Variants in DSCAML1 observed in about 807,000 individuals in gnomAD.
DSCAML1 encodes cell adhesion molecule DSCAML1.
In DSCAML1, 38 loss-of-function variants were observed where a neutral mutation model predicts 200.5. The ratio of observed to expected loss-of-function variants is 0.19; its 90% CI spans 0.15 to 0.25. The LOEUF (loss-of-function observed/expected upper bound fraction) is 0.25, where lower values mean the gene tolerates loss of function less well. Among genes scored for constraint, DSCAML1 ranks in the 10% least tolerant of loss-of-function variants. DSCAML1 has a pLI of 1.00. For synonymous variants in DSCAML1, 1,215 were observed against 1,165.0 expected (o/e 1.04, Z -0.87); for missense variants, 2,223 against 2,858.8 (o/e 0.78, Z 5.07).
chr11:117,480,835 T>G lies in DSCAML1; in HGVS notation c.2657-264A>C, dbSNP rs2048900232. Among the ~76,000 whole-genome samples the G allele has an allele frequency of 6.6e-6, 1 of 152,070 alleles. No homozygotes were observed. The highest frequency in any genetic ancestry group is 2.4e-5 in the African/African-American group (1 of 41,400). On this transcript the variant is annotated intron_variant, in intron 13 of 32. Coordinates refer to ENST00000651296, the MANE Select transcript of DSCAML1 (RefSeq NM_020693.4). This position sits in a 1 kb window ranked among gnomAD's most constrained non-coding sequence, Gnocchi z 4.1. ...AGGGATTCCTGTTAGCTGACGGCAT[T>G]TTTCCCCTTCCAACTTCCCCAGCTT...
chr11:117,495,275 A>T (rs747511642), intron 11 of DSCAML1, among the ~76,000 whole-genome samples: 1 of 152,178 alleles, frequency 6.6e-6, no homozygotes, highest in Non-Finnish European at 1.5e-5. Context: ...GACCAAGCCC[A>T]TCTTGCCCCT....
chr11:117,694,737 C>T (rs753667421), intron 3 of DSCAML1, among the ~76,000 whole-genome samples: 2 of 152,208 alleles, frequency 1.3e-5, no homozygotes, highest in African/African-American at 2.4e-5. Context: ...GGGGAAGGAG[C>T]CATCCTGGTT....
chr11:117,715,292 T>C (rs2053931429), intron 3 of DSCAML1, among the ~76,000 whole-genome samples: 2 of 152,048 alleles, frequency 1.3e-5, no homozygotes, highest in African/African-American at 4.8e-5. Flanking sequence ...CAGCCCAGGT[T>C]TCACCTCTCC....
At chr11:117,751,574 T>C (rs2054606071) in intron 3 of DSCAML1, among the ~76,000 whole-genome samples, 1 of 152,036 alleles carries the variant, frequency 6.6e-6, no homozygotes. Flanking sequence ...AGGCACCAGC[T>C]CTTTGGGAAG....
rs1444639593 is a variant in DSCAML1, at chr11:117,780,902, C to T, written c.47-92G>A. 1.9e-6 allele frequency: 2 copies of T among 1,030,756 alleles called. No individual in the cohort carries two copies. The highest frequency in any genetic ancestry group is 2.6e-6 in the Non-Finnish European group (2 of 768,114). 63.9% of individuals were successfully genotyped at this position (1,030,756 alleles called of 1,614,324 possible). On this transcript the variant is annotated intron_variant, in intron 1 of 32. Coordinates refer to ENST00000651296, the MANE Select transcript of DSCAML1 (RefSeq NM_020693.4). This position sits in a 1 kb window ranked among gnomAD's most constrained non-coding sequence, Gnocchi z 4.8. ...AGGCTTGCGACAGGCTGCACTCATT[C>T]ACCTGACCTTCAAGCATCAGTCATT...
chr11:117,566,168 G>A (rs1468501485), intron 3 of DSCAML1, among the ~76,000 whole-genome samples: 5 of 152,160 alleles, frequency 3.3e-5, no homozygotes, highest in African/African-American at 4.8e-5. Flanking sequence ...ATGAGGGGAC[G>A]GAGACCTATA....
intron 29 of DSCAML1, 27 bp from the exon 30 acceptor site, chr11:117,432,531 A>G: frequency 6.2e-7 from 1 of 1,602,570 alleles, no homozygotes; most frequent in Non-Finnish European, 8.5e-7. Flanking sequence ...AATTACTGGG[A>G]GTCCTTTACA....
chr11:117,556,360 G>A (rs1329606697), intron 3 of DSCAML1, among the ~76,000 whole-genome samples: 1 of 152,172 alleles, frequency 6.6e-6, no homozygotes, highest in Non-Finnish European at 1.5e-5. Flanking sequence ...CATCTGATGG[G>A]CCACAGAGGG....
intron 20 of DSCAML1, among the ~76,000 whole-genome samples, chr11:117,447,439 G>A (rs2048202751): frequency 6.6e-6 from 1 of 152,158 alleles, no homozygotes; most frequent in South Asian, 2.1e-4. Context: ...TATGTGTACA[G>A]ATCAAAGACT....
At chr11:117,593,279 C>T (rs1373817639) in intron 3 of DSCAML1, among the ~76,000 whole-genome samples, 1 of 152,246 alleles carries the variant, frequency 6.6e-6, no homozygotes, top group Non-Finnish European at 1.5e-5. Flanking sequence ...TCTGCTTTCT[C>T]CCCTGCTCCC....
chr11:117,434,925 C>T (rs751740366), intron 27 of DSCAML1, among the ~76,000 whole-genome samples: 1 of 152,240 alleles, frequency 6.6e-6, no homozygotes, highest in Admixed American at 6.5e-5. Context: ...TTCTGTGCTA[C>T]TATTGTCTCC....
At chr11:117,672,685 A>G (rs1222225404) in intron 3 of DSCAML1, among the ~76,000 whole-genome samples, 1 of 152,174 alleles carries the variant, frequency 6.6e-6, no homozygotes, top group Non-Finnish European at 1.5e-5. Flanking sequence ...TTTTTATTCA[A>G]TACACATCAC....
intron 3 of DSCAML1, among the ~76,000 whole-genome samples, chr11:117,621,501 A>G (rs140126019): frequency 1.1e-4 from 16 of 152,330 alleles, no homozygotes; most frequent in Non-Finnish European, 1.9e-4. Flanking sequence ...GGCAGGGAGG[A>G]TAAGTGGTGC....
chr11:117,736,756 C>A (rs141321994), intron 3 of DSCAML1, among the ~76,000 whole-genome samples: 2 of 152,218 alleles, frequency 1.3e-5, no homozygotes, highest in South Asian at 4.1e-4. Flanking sequence ...TTGGCCCCAT[C>A]TCCTCATTTT....
At chr11:117,686,952 T>C in intron 3 of DSCAML1, among the ~76,000 whole-genome samples, 1 of 152,222 alleles carries the variant, frequency 6.6e-6, no homozygotes, top group Non-Finnish European at 1.5e-5. Flanking sequence ...TATGACACAT[T>C]GAATGTCTTT....
intron 4 of DSCAML1, among the ~76,000 whole-genome samples, chr11:117,528,240 AATTG>A (rs2050014100): frequency 6.6e-6 from 1 of 152,160 alleles, no homozygotes; most frequent in Non-Finnish European, 1.5e-5. Flanking sequence ...TGTGACACTT[AATTG>A]ATGCAAAATA....
intron 16 of DSCAML1, among the ~76,000 whole-genome samples, chr11:117,465,896 C>G (rs1306019583): frequency 6.6e-6 from 1 of 152,034 alleles, no homozygotes; most frequent in Non-Finnish European, 1.5e-5. Flanking sequence ...GAAAGAGTCC[C>G]AAGATACCAC....
At chr11:117,812,201 A>G (rs1388099577) in intron 1 of DSCAML1, among the ~76,000 whole-genome samples, 1 of 152,054 alleles carries the variant, frequency 6.6e-6, no homozygotes, top group Non-Finnish European at 1.5e-5. Context: ...GCGACCAATC[A>G]TGCACCCCTT....
chr11:117,467,193 A>ACCCCCCCCCCCCCCCCC (rs757481843), intron 16 of DSCAML1, among the ~76,000 whole-genome samples: 25 of 109,496 alleles, frequency 2.3e-4, no homozygotes, highest in African/African-American at 6.6e-4. Flanking sequence ...GTGCACACAC[A>ACCCCCCCCCCCCCCCCC]CCTCCCCCCT....
Sources: allele counts gnomAD v4.1 joint callset (sites outside exome capture counted in the v4.1 genomes callset), GRCh38; gene constraint gnomAD v4.1.1; non-coding constraint Gnocchi (gnomAD v3.1); transcripts MANE v1.5; gene names NCBI Gene and HGNC (gene_info 2026-07-23, HGNC 2026-07-21).